Variants in FAM184B observed in about 807,000 individuals in gnomAD.
FAM184B encodes the protein protein FAM184B.
FAM184B carries 111 observed loss-of-function variants against 135.9 expected under a neutral mutation model. The observed-to-expected ratio is 0.82, with a 90% CI of 0.70 to 0.96. The LOEUF (loss-of-function observed/expected upper bound fraction) is 0.96, where lower values mean the gene tolerates loss of function less well. Among genes scored for constraint, FAM184B ranks in the 40% least tolerant of loss-of-function variants. FAM184B has a pLI of 0.00. For synonymous variants in FAM184B, 552 were observed against 524.8 expected (o/e 1.05, Z -0.71); for missense variants, 1,375 against 1,323.9 (o/e 1.04, Z -0.60).
In FAM184B at chr4:17,650,515, C is replaced by T. The variant is rs547725551; in HGVS notation, c.2191+2315G>A. Among the ~76,000 whole-genome samples the T allele has an allele frequency of 1.4e-4, 22 of 152,220 alleles. No homozygotes were observed. In the East Asian group the frequency reaches 3.7e-3, roughly 25 times the overall value. ...TTCTTTTCTTTGGGGAAGAATGGGG[C>T]TGCTGTGGAGTCAGAAAAGCCAGGG... On this transcript the variant is annotated intron_variant, in intron 11 of 17. Coordinates refer to ENST00000265018, the MANE Select transcript of FAM184B (RefSeq NM_015688.2).
chr4:17,705,294 C>A (rs1056159752), intron 4 of FAM184B, 88 bp from the exon 5 acceptor site: 1 of 969,184 alleles, frequency 1.0e-6, no homozygotes, highest in Non-Finnish European at 1.5e-6. Context: ...ACTTTTACAA[C>A]GTTTATACAC....
intron 11 of FAM184B, among the ~76,000 whole-genome samples, chr4:17,651,462 C>T (rs1186087675): frequency 1.6e-5 from 2 of 128,196 alleles, no homozygotes; most frequent in Non-Finnish European, 3.1e-5. Flanking sequence ...GGTGTGAACC[C>T]AGGAGGCGGA....
At chr4:17,727,547 A>C (rs924007159) in intron 1 of FAM184B, among the ~76,000 whole-genome samples, 1 of 152,196 alleles carries the variant, frequency 6.6e-6, no homozygotes, top group Non-Finnish European at 1.5e-5. Flanking sequence ...ACTTACAATC[A>C]TGGCGGAAGG....
chr4:17,685,977 T>C (rs1368039758), intron 7 of FAM184B, among the ~76,000 whole-genome samples: 1 of 152,160 alleles, frequency 6.6e-6, no homozygotes, highest in Non-Finnish European at 1.5e-5. Context: ...TCTACAATCT[T>C]CCTGAACTGC....
intron 1 of FAM184B, among the ~76,000 whole-genome samples, chr4:17,768,490 T>C (rs1390279441): frequency 6.6e-6 from 1 of 152,204 alleles, no homozygotes; most frequent in Non-Finnish European, 1.5e-5. Flanking sequence ...GGTCAGGCGC[T>C]GGTCTTGAAC....
intron 1 of FAM184B, among the ~76,000 whole-genome samples, chr4:17,718,619 T>A: frequency 6.6e-6 from 1 of 152,222 alleles, no homozygotes; most frequent in East Asian, 1.9e-4. Flanking sequence ...CAAGGGAATG[T>A]GAGTGGACTT....
At chr4:17,725,929 CT>C (rs879336645) in intron 1 of FAM184B, among the ~76,000 whole-genome samples, 170 of 145,204 alleles carry the variant, frequency 1.2e-3, no homozygotes, top group Middle Eastern at 7.0e-3. Flanking sequence ...CAAAACTCTT[CT>C]TTTTTTTTTT....
intron 7 of FAM184B, among the ~76,000 whole-genome samples, chr4:17,665,042 G>T (rs1359931093): frequency 6.6e-6 from 1 of 152,138 alleles, no homozygotes; most frequent in Non-Finnish European, 1.5e-5. Flanking sequence ...ACCACTTCCT[G>T]GTATGGTTCC....
At chr4:17,646,947 C>T (rs144048417) in intron 12 of FAM184B, among the ~76,000 whole-genome samples, 3 of 152,042 alleles carry the variant, frequency 2.0e-5, no homozygotes, top group Admixed American at 6.6e-5. Context: ...CAAAGCTGCT[C>T]CACTTAGGGG....
At chr4:17,725,360 A>T (rs1386891035) in intron 1 of FAM184B, among the ~76,000 whole-genome samples, 3 of 152,348 alleles carry the variant, frequency 2.0e-5, no homozygotes, top group Non-Finnish European at 4.4e-5. Context: ...CTGCCTGGGA[A>T]AAAGAGGCAT....
chr4:17,773,599 C>T (rs945457010), intron 1 of FAM184B, among the ~76,000 whole-genome samples: 21 of 152,078 alleles, frequency 1.4e-4, no homozygotes, highest in Admixed American at 3.3e-4. Context: ...CTGTTTGAGA[C>T]GGAGTTTCAC....
intron 1 of FAM184B, among the ~76,000 whole-genome samples, chr4:17,728,729 G>T: frequency 6.6e-6 from 1 of 152,064 alleles, no homozygotes; most frequent in East Asian, 1.9e-4. Flanking sequence ...CCGGGTGATG[G>T]GATTACAGTA....
chr4:17,705,701 T>G lies in FAM184B; in HGVS notation c.1170+51A>C. 1.9e-6 allele frequency: 3 copies of G among 1,545,562 alleles called. No individual in the cohort carries two copies. The Admixed American group carries it at 5.9e-5, about 30-fold the overall frequency. ...GCCTCTACCTGACGCTTATAATAGA[T>G]AGCAAAGCTCTCTGTGCCTTCTCCA... On this transcript the variant is annotated intron_variant, in intron 4 of 17. Transcript: ENST00000265018.
At chr4:17,732,814 G>T (rs1717814350) in intron 1 of FAM184B, among the ~76,000 whole-genome samples, 1 of 152,112 alleles carries the variant, frequency 6.6e-6, no homozygotes, top group African/African-American at 2.4e-5. Flanking sequence ...GAAAAAGAGG[G>T]AATCCTCCCT....
In FAM184B at chr4:17,745,584, G is replaced by A. The variant is rs185954783; in HGVS notation, c.141+35575C>T. On this transcript the variant is annotated intron_variant, in intron 1 of 17. Coordinates refer to ENST00000265018, the MANE Select transcript of FAM184B (RefSeq NM_015688.2). ...TTCTCCTATCCACCCACTTCCTTCC[G>A]TCTCCTTTCACATATGCAGACCTGC... Among the ~76,000 whole-genome samples the A allele has an allele frequency of 7.2e-4, 109 of 152,218 alleles. 1 individual carries two copies. The highest frequency in any genetic ancestry group is 1.7e-3 in the East Asian group (9 of 5,172).
chr4:17,715,199 G>C (rs1212693967), intron 1 of FAM184B, among the ~76,000 whole-genome samples: 1 of 152,094 alleles, frequency 6.6e-6, no homozygotes, highest in African/African-American at 2.4e-5. Flanking sequence ...TTGGGGCCAG[G>C]CTCAGTGGCT....
Position 17,709,414 on chromosome 4 carries a change from C to T in FAM184B, c.372G>A (p.Ser124=), listed in dbSNP as rs769134100. The change falls in exon 2 of 18, where the codon TCG becomes TCA. Residue 124 remains serine (S), a synonymous_variant. Coordinates refer to ENST00000265018, the MANE Select transcript of FAM184B (RefSeq NM_015688.2). The stretch of plus-strand genomic sequence containing the variant: ...CTCTCTCCTTCGTCTCCAGCCTGCA[C>T]GAGGCCGACTCAGCCAGCGCCTCCT... The part of the protein sequence containing the change: ...LTEEALAESA[S]CRLETKEREL... 5.3e-6 allele frequency: 8 copies of T among 1,518,276 alleles called. No homozygotes were observed. The highest frequency in any genetic ancestry group is 1.3e-5 in the South Asian group (1 of 79,898). 94.1% of individuals were successfully genotyped at this position (1,518,276 alleles called of 1,614,324 possible).
At chr4:17,707,822 G>A in intron 2 of FAM184B, 38 bp from the exon 3 acceptor site, 1 of 1,550,928 alleles carries the variant, frequency 6.4e-7, no homozygotes, top group Non-Finnish European at 8.7e-7. Context: ...TCTGGTTATA[G>A]CTCTGTATAG....
At chr4:17,689,385 A>G (rs1716669310) in intron 6 of FAM184B, among the ~76,000 whole-genome samples, 1 of 152,174 alleles carries the variant, frequency 6.6e-6, no homozygotes, top group Non-Finnish European at 1.5e-5. Flanking sequence ...ACTTTCCTCA[A>G]AATTTTCTAG....
Sources: allele counts gnomAD v4.1 joint callset (sites outside exome capture counted in the v4.1 genomes callset), GRCh38; gene constraint gnomAD v4.1.1; transcripts MANE v1.5; gene names NCBI Gene and HGNC (gene_info 2026-07-23, HGNC 2026-07-21).